Variants in NCR2 observed in about 807,000 individuals in gnomAD.
NCR2 encodes the protein NK cell activating receptor (NKp44).
NCR2 carries 35 observed loss-of-function variants against 30.7 expected under a neutral mutation model. That is an observed-to-expected ratio of 1.14 (90% CI 0.87 to 1.51). The LOEUF (loss-of-function observed/expected upper bound fraction) is 1.51, where lower values mean the gene tolerates loss of function less well. Among genes scored for constraint, NCR2 ranks in the 40% most tolerant of loss-of-function variants. The pLI, the probability that NCR2 is intolerant of heterozygous loss-of-function variation, is 0.00. For missense variants in NCR2, 316 were observed against 328.9 expected (o/e 0.96, Z 0.30); for synonymous variants, 146 against 134.8 (o/e 1.08, Z -0.58).
At chr6:41,349,125 T>C (rs963041961) in intron 4 of NCR2, among the ~76,000 whole-genome samples, 37 of 147,258 alleles carry the variant, frequency 2.5e-4, no homozygotes, top group African/African-American at 8.6e-4. Context: ...TATATTTTAT[T>C]TATATATTTT....
At chr6:41,335,969 G>A (rs1489457614) in intron 1 of NCR2, 41 bp downstream of exon 1, 6 of 1,578,022 alleles carry the variant, frequency 3.8e-6, no homozygotes, top group Middle Eastern at 1.7e-4. Context: ...GGAGATGGGT[G>A]TGGTGGGGAC....
At chr6:41,348,314 A>G (rs563406176) in intron 4 of NCR2, among the ~76,000 whole-genome samples, 1 of 152,218 alleles carries the variant, frequency 6.6e-6, no homozygotes, top group Non-Finnish European at 1.5e-5. Flanking sequence ...GAAATTCCTC[A>G]GGTGTAATTC....
At chr6:41,348,689 T>C (rs1353411951) in intron 4 of NCR2, among the ~76,000 whole-genome samples, 1 of 152,184 alleles carries the variant, frequency 6.6e-6, no homozygotes, top group Non-Finnish European at 1.5e-5. Flanking sequence ...CCTGCCAGTT[T>C]AATTTGGGGG....
intron 4 of NCR2, 81 bp downstream of exon 4, chr6:41,342,230 G>A (rs949033135): frequency 1.3e-5 from 21 of 1,560,424 alleles, no homozygotes; most frequent in Admixed American, 3.5e-5. Flanking sequence ...GAGGGGAATC[G>A]GCCAGAGAAC....
intron 2 of NCR2, among the ~76,000 whole-genome samples, chr6:41,338,060 T>C (rs1240609742): frequency 6.6e-6 from 1 of 152,246 alleles, no homozygotes; most frequent in Admixed American, 6.5e-5. Flanking sequence ...AAATGGTTCT[T>C]CTGACTTTTA....
intron 4 of NCR2, chr6:41,342,912 C>T (rs904029675): frequency 6.5e-6 from 10 of 1,549,982 alleles, no homozygotes; most frequent in Non-Finnish European, 8.7e-6. Flanking sequence ...CTCCCCTCAT[C>T]TCAAGGGTTT....
chr6:41,338,276 G>A (rs1769082920), intron 2 of NCR2, among the ~76,000 whole-genome samples: 1 of 152,196 alleles, frequency 6.6e-6, no homozygotes, highest in Admixed American at 6.5e-5. Flanking sequence ...AACAGTAGCT[G>A]TTTATGATCT....
intron 4 of NCR2, 135 bp downstream of exon 4, chr6:41,342,284 C>G: frequency 8.3e-7 from 1 of 1,209,322 alleles, no homozygotes; most frequent in Non-Finnish European, 1.1e-6. Context: ...AATTAAAGCC[C>G]TCATGGAGTC....
At position 41,335,886 on chromosome 6, in the gene NCR2, C is replaced by A. The variant is rs760968476; in HGVS notation, c.10C>A (p.Arg4=). The A allele has an allele frequency of 1.9e-6, 3 of 1,568,162 alleles. No individual in the cohort carries two copies. The highest frequency in any genetic ancestry group is 1.4e-5 in the African/African-American group (1 of 73,918). The change falls in exon 1 of 5, where the codon CGA becomes AGA. Residue 4 remains arginine, a synonymous_variant. Coordinates refer to ENST00000373089, the MANE Select transcript of NCR2 (RefSeq NM_004828.4). The part of the protein sequence containing the change: MAW[R]ALHPLLLLLL... The stretch of plus-strand genomic sequence containing the variant: ...ACAGGAAAAGGACCACATGGCCTGG[C>A]GAGCCCTACACCCACTGCTACTGCT...
intron 2 of NCR2, 49 bp downstream of exon 2, chr6:41,336,477 T>G (rs747536377): frequency 9.4e-6 from 14 of 1,491,302 alleles, no homozygotes; most frequent in Non-Finnish European, 1.2e-5. Context: ...CACCCCCTTT[T>G]GGTGCCTCCA....
chr6:41,338,836 C>T (rs1398439502), intron 2 of NCR2, among the ~76,000 whole-genome samples: 1 of 152,164 alleles, frequency 6.6e-6, no homozygotes, highest in Non-Finnish European at 1.5e-5. Flanking sequence ...CTATAAATTA[C>T]CCAATGTCGT....
chr6:41,342,619 A>C (rs1476953523), intron 4 of NCR2, among the ~76,000 whole-genome samples: 1 of 151,944 alleles, frequency 6.6e-6, no homozygotes, highest in Non-Finnish European at 1.5e-5. Flanking sequence ...ACAGCTGGAA[A>C]GTCCCTCCCA....
chr6:41,337,383 A>T (rs910053575), intron 2 of NCR2, among the ~76,000 whole-genome samples: 3 of 152,242 alleles, frequency 2.0e-5, no homozygotes, highest in African/African-American at 7.2e-5. Flanking sequence ...TAGTGGCTTA[A>T]CGGTATACCC....
In NCR2 at chr6:41,346,285, C is replaced by T. The variant is rs191325871; in HGVS notation, c.644+4136C>T. On this transcript the variant is annotated intron_variant, in intron 4 of 4. Coordinates refer to ENST00000373089, the MANE Select transcript of NCR2 (RefSeq NM_004828.4). The stretch of plus-strand genomic sequence containing the variant: ...CTTGGCCTCCTATCCCCAGTGGTCT[C>T]GTCCTCTTCCCTATTTCAGCCACCA... Among the ~76,000 whole-genome samples the T allele has an allele frequency of 6.6e-5, 10 of 152,264 alleles. No homozygotes were observed. In the East Asian group the frequency reaches 1.7e-3, roughly 26 times the overall value.
chr6:41,342,204 C>T, intron 4 of NCR2, 55 bp downstream of exon 4: 1 of 1,599,894 alleles, frequency 6.3e-7, no homozygotes, highest in Non-Finnish European at 8.5e-7. Context: ...CAGCTTCTGC[C>T]CAGGATAGAG....
chr6:41,347,218 T>TA (rs1490458942), intron 4 of NCR2, among the ~76,000 whole-genome samples: 1 of 151,918 alleles, frequency 6.6e-6, no homozygotes, highest in Non-Finnish European at 1.5e-5. Flanking sequence ...CTGTCTAAAA[T>TA]AGAAAAAGGA....
At chr6:41,342,935 A>C (rs1203016093) in intron 4 of NCR2, 3 of 1,550,590 alleles carry the variant, frequency 1.9e-6, no homozygotes, top group Non-Finnish European at 2.6e-6. Context: ...AGGAATCGGC[A>C]CATGCAGCAT....
intron 2 of NCR2, among the ~76,000 whole-genome samples, chr6:41,337,385 G>A (rs973165003): frequency 2.0e-5 from 3 of 152,154 alleles, no homozygotes; most frequent in Admixed American, 6.5e-5. Context: ...GTGGCTTAAC[G>A]GTATACCCAT....
At position 41,336,373 on chromosome 6, in the gene NCR2, C is replaced by T. The variant is rs1302654268; in HGVS notation, c.339C>T (p.Arg113=). Residue 113 remains arginine, a synonymous_variant, in exon 2 of 5, where the codon CGC becomes CGT. Coordinates refer to ENST00000373089, the MANE Select transcript of NCR2 (RefSeq NM_004828.4). ...GACATTACTGGTGTAGAATCTACCG[C>T]CCTTCTGACAACTCTGTCTCTAAGT... ...DSGHYWCRIY[R]PSDNSVSKSV... 1.2e-6 allele frequency: 2 copies of T among 1,613,892 alleles called. No homozygotes were observed. The highest frequency in any genetic ancestry group is 1.7e-6 in the Non-Finnish European group (2 of 1,180,032).
Sources: allele counts gnomAD v4.1 joint callset (sites outside exome capture counted in the v4.1 genomes callset), GRCh38; gene constraint gnomAD v4.1.1; transcripts MANE v1.5; gene names NCBI Gene and HGNC (gene_info 2026-07-23, HGNC 2026-07-21).